The following LAMC3 variants were observed in gnomAD, a reference collection of about 807,000 sequenced individuals.
The protein encoded by LAMC3 is laminin subunit gamma 3, also known as laminin subunit gamma-3.
LAMC3 carries 128 observed loss-of-function variants against 173.8 expected under a neutral mutation model. That is an observed-to-expected ratio of 0.74 (90% CI 0.64 to 0.85). The LOEUF is 0.85. LAMC3 is among the 40% of genes least tolerant of loss of function. The pLI, the probability that LAMC3 is intolerant of heterozygous loss-of-function variation, is 0.00. For missense variants in LAMC3, 2,022 were observed against 2,156.0 expected (o/e 0.94, Z 1.23); for synonymous variants, 897 against 909.1 (o/e 0.99, Z 0.24).
chr9:131,022,919 C>A (rs115110976), intron 1 of LAMC3, among the ~76,000 whole-genome samples: 1,794 of 152,094 alleles, frequency 0.012, 40 homozygotes, highest in African/African-American at 0.042. Flanking sequence ...CAGTCACTTT[C>A]TGTTTTCCCC....
In LAMC3 at chr9:131,026,370, C is replaced by T. The variant is rs754335138; in HGVS notation, c.459C>T (p.Ala153=). 1.1e-5 allele frequency: 17 copies of T among 1,614,018 alleles called. No homozygotes were observed. The East Asian group carries it at 1.6e-4, about 15-fold the overall frequency. ...TTGCCATCTACAAGCGCAGCCGCGC[C>T]GACGGCCCATGGGAGCCCTACCAGT... ...ESFAIYKRSR[A]DGPWEPYQFY... Residue 153 remains alanine, a synonymous_variant, in exon 2 of 28, where the codon GCC becomes GCT. Transcript: ENST00000361069. The surrounding 1 kb of genome is among the most constrained non-coding windows in gnomAD (Gnocchi z 4.8).
intron 9 of LAMC3, among the ~76,000 whole-genome samples, chr9:131,052,103 T>G (rs533902700): frequency 6.6e-6 from 1 of 152,274 alleles, no homozygotes; most frequent in East Asian, 1.9e-4. Context: ...CTGCTGGGTG[T>G]TCCCTAGGAA....
intron 23 of LAMC3, chr9:131,080,416 G>C (rs1830217974): frequency 6.7e-6 from 1 of 150,068 alleles, no homozygotes; most frequent in South Asian, 2.1e-4. Context: ...AGCCTCCAGA[G>C]TAGTTGAGAT....
rs1458129489 is a variant in LAMC3 at position 131,091,851 on chromosome 9, A to G, written c.*64A>G. The G allele has an allele frequency of 6.3e-7, 1 of 1,587,576 alleles. No homozygotes were observed. The highest frequency in any genetic ancestry group is 8.6e-7 in the Non-Finnish European group (1 of 1,168,174). On this transcript the variant is annotated 3_prime_UTR_variant, in exon 28 of 28. Transcript: ENST00000361069. ...TGTTTACATGACCCAGGGGGTGCAC[A>G]CTACCCCACAGGTGTGCCCATACAG...
intron 14 of LAMC3, among the ~76,000 whole-genome samples, chr9:131,067,642 G>A (rs929929762): frequency 3.3e-5 from 5 of 152,170 alleles, no homozygotes; most frequent in Admixed American, 2.0e-4. Context: ...CCTTTCCCAC[G>A]CAGCAGCTGC....
chr9:131,066,816 AC>A lies in LAMC3; in HGVS notation c.2348-143del. 3 of 1,078,858 alleles carry A rather than the reference AC, an allele frequency of 2.8e-6. No individual in the cohort carries two copies. In the South Asian group the frequency reaches 4.4e-5, roughly 16 times the overall value. The allele number at this position is 1,078,858 out of a possible 1,614,324, so 66.8% of individuals were successfully genotyped here. A position where few individuals can be genotyped will look rare whatever the true frequency, so the allele number is the denominator to read the frequency against. On this transcript the variant is annotated intron_variant, in intron 13 of 27. Transcript: ENST00000361069. ...CAGGACCACACAGCTGTGGGCAGCC[AC>A]TGGGGGCCGGTCCCAGGTCCTCCTG...
At chr9:131,082,251 G>T in intron 24 of LAMC3, 90 bp downstream of exon 24, 1 of 919,292 alleles carries the variant, frequency 1.1e-6, no homozygotes. Context: ...CAGGCTTGCA[G>T]AGGACAGGAG....
Position 131,068,970 on chromosome 9 carries a change from C to T in LAMC3, c.2810C>T (p.Thr937Ile), listed in dbSNP as rs1220467777. The change falls in exon 16 of 28, where the codon ACC becomes ATC. Residue 937 changes from threonine (T) to isoleucine (I), a missense_variant. By Grantham distance (89) the Thr-to-Ile change is moderately conservative. Transcript: ENST00000361069. ...DQCHPKTGQC[T>I]CRPGVTGQAC... ...TGCCATCCCAAGACTGGACAGTGCA[C>T]CTGCCGCCCAGGTGTCACAGGCCAG... is the stretch of plus-strand genomic sequence containing the variant. 6.2e-7 allele frequency: 1 copy of T among 1,614,100 alleles called. No homozygotes were observed. The highest frequency in any genetic ancestry group is 8.5e-7 in the Non-Finnish European group (1 of 1,179,996).
intron 3 of LAMC3, among the ~76,000 whole-genome samples, chr9:131,034,277 C>T (rs1326786803): frequency 1.3e-5 from 2 of 152,340 alleles, no homozygotes; most frequent in East Asian, 3.9e-4. Flanking sequence ...AAGGCAGGGG[C>T]AGTCCCTTGT....
intron 23 of LAMC3, among the ~76,000 whole-genome samples, chr9:131,080,018 G>A (rs1200803879): frequency 3.9e-5 from 6 of 152,134 alleles, no homozygotes; most frequent in African/African-American, 1.4e-4. Flanking sequence ...TATTGCCTGG[G>A]CTAGAGTGCA....
At chr9:131,069,344 G>C (rs762306326) in intron 16 of LAMC3, among the ~76,000 whole-genome samples, 1 of 152,136 alleles carries the variant, frequency 6.6e-6, no homozygotes, top group African/African-American at 2.4e-5. Context: ...AGTCCCAGAC[G>C]CGCTGTTAAG....
At position 131,009,730 on chromosome 9, in the gene LAMC3, A is replaced by G. The variant is rs1347365589; in HGVS notation, c.373+143A>G. On this transcript the variant is annotated intron_variant, in intron 1 of 27. Coordinates refer to ENST00000361069, the MANE Select transcript of LAMC3 (RefSeq NM_006059.4). The surrounding 1 kb of genome is among the most constrained non-coding windows in gnomAD (Gnocchi z 4.3). ...TTGGATGGAGGGGCTCAGAAATAGG[A>G]ATTAGGCTGGGTGCGGTGGCTCACT... The G allele has an allele frequency of 1.9e-6, 2 of 1,051,428 alleles. No individual in the cohort carries two copies. The highest frequency in any genetic ancestry group is 1.6e-5 in the African/African-American group (1 of 61,208). The allele number at this position is 1,051,428 out of a possible 1,614,324, so 65.1% of individuals were successfully genotyped here.
At chr9:131,083,432 A>G (rs1318830939) in intron 24 of LAMC3, among the ~76,000 whole-genome samples, 3 of 152,152 alleles carry the variant, frequency 2.0e-5, no homozygotes, top group African/African-American at 7.2e-5. Flanking sequence ...GTTGGTGTTC[A>G]GGATAAAAGG....
intron 3 of LAMC3, among the ~76,000 whole-genome samples, chr9:131,032,663 ACTCTCTCTCG>A (rs1169418843): frequency 5.9e-5 from 6 of 101,508 alleles, no homozygotes; most frequent in South Asian, 3.5e-4. Context: ...ACTCTCTCTC[ACTCTCTCTCG>A]CTCTCTCTCT....
intron 27 of LAMC3, among the ~76,000 whole-genome samples, chr9:131,088,278 G>A (rs747963907): frequency 1.6e-4 from 25 of 152,100 alleles, no homozygotes; most frequent in African/African-American, 5.1e-4. Context: ...ATTAGACCTC[G>A]GGCAAGCCAC....
At chr9:131,015,505 C>T (rs920366204) in intron 1 of LAMC3, among the ~76,000 whole-genome samples, 1 of 152,200 alleles carries the variant, frequency 6.6e-6, no homozygotes. Flanking sequence ...CAGGACTCCA[C>T]CTGCACCCCT....
chr9:131,076,007 C>A (rs748739363), intron 21 of LAMC3, 42 bp downstream of exon 21: 1 of 1,559,682 alleles, frequency 6.4e-7, no homozygotes, highest in Admixed American at 1.8e-5. Context: ...TGGGGTTGGC[C>A]TCCTGGAGCC....
rs1189263339 is a variant in LAMC3 at position 131,094,152 on chromosome 9, C to A, written c.*2365C>A. 6.6e-6 allele frequency: 1 copy of A among 152,030 alleles called. No homozygotes were observed. Among genetic ancestry groups the A allele is most frequent in the South Asian group, 2.1e-4 (1 of 4,798 alleles). The allele number at this position is 152,030 out of a possible 1,614,324, so 9.4% of individuals were successfully genotyped here. A position where few individuals can be genotyped will look rare whatever the true frequency, so the allele number is the denominator to read the frequency against. ...TTGCAGAGTGGCTTTCTTTGTTTTT[C>A]TTGTGCCTGATAGGAGAGGACACCC... On this transcript the variant is annotated 3_prime_UTR_variant, in exon 28 of 28. Coordinates refer to ENST00000361069, the MANE Select transcript of LAMC3 (RefSeq NM_006059.4).
At chr9:131,077,431 C>T in intron 22 of LAMC3, 97 bp downstream of exon 22, 1 of 1,501,552 alleles carries the variant, frequency 6.7e-7, no homozygotes, top group African/African-American at 1.4e-5. Context: ...AATCGCAGCA[C>T]TTTGGGAGGC....
Sources: gnomAD v4.1 joint callset for allele counts (sites outside exome capture counted in the v4.1 genomes callset) on GRCh38, gnomAD v4.1.1 for gene constraint, Gnocchi (gnomAD v3.1) non-coding constraint, MANE v1.5 for transcripts, NCBI Gene and HGNC (gene_info 2026-07-23, HGNC 2026-07-21) for gene names.